The following ABTB3 variants were observed in gnomAD, a reference collection of about 807,000 sequenced individuals.
ABTB3 encodes the protein ankyrin repeat- and BTB/POZ domain-containing protein 3.
the ABTB3 span, among the ~76,000 whole-genome samples, chr12:107,385,356 C>T: frequency 6.6e-6 from 1 of 152,220 alleles, no homozygotes; most frequent in African/African-American, 2.4e-5. Flanking sequence ...CTGCTGTAAG[C>T]AGGCAATGCA....
the ABTB3 span, among the ~76,000 whole-genome samples, chr12:107,324,601 T>C: frequency 6.6e-6 from 1 of 152,214 alleles, no homozygotes; most frequent in African/African-American, 2.4e-5. Context: ...CTTATGTTAA[T>C]TGGGATGTGG....
At chr12:107,468,257 G>A in the ABTB3 span, among the ~76,000 whole-genome samples, 2 of 152,204 alleles carry the variant, frequency 1.3e-5, no homozygotes, top group African/African-American at 4.8e-5. Flanking sequence ...CAGGTGAGCT[G>A]GAGCCAGCCG....
At chr12:107,426,165 A>T in the ABTB3 span, among the ~76,000 whole-genome samples, 3 of 152,254 alleles carry the variant, frequency 2.0e-5, no homozygotes, top group East Asian at 5.8e-4. Context: ...TGCCATCAGC[A>T]CTTCACAGCG....
the ABTB3 span, among the ~76,000 whole-genome samples, chr12:107,653,761 T>C: frequency 6.6e-6 from 1 of 152,184 alleles, no homozygotes; most frequent in African/African-American, 2.4e-5. Context: ...CAGCTAGTAA[T>C]GAGATTTCTG....
chr12:107,538,131 A>C, the ABTB3 span, among the ~76,000 whole-genome samples: 1 of 151,754 alleles, frequency 6.6e-6, no homozygotes, highest in Non-Finnish European at 1.5e-5. Flanking sequence ...CTGTTCTGCC[A>C]AAACCCTAGG....
At chr12:107,613,579 G>C in the ABTB3 span, among the ~76,000 whole-genome samples, 1 of 152,128 alleles carries the variant, frequency 6.6e-6, no homozygotes, top group Non-Finnish European at 1.5e-5. Context: ...TCTGCAGAAC[G>C]GGAAAATAAT....
At chr12:107,620,232 G>C in the ABTB3 span, 1 of 1,566,852 alleles carries the variant, frequency 6.4e-7, no homozygotes, top group Non-Finnish European at 8.7e-7. Flanking sequence ...AGATCTGAAC[G>C]GTCTTTTAGC....
the ABTB3 span, among the ~76,000 whole-genome samples, chr12:107,596,146 A>G: frequency 1.3e-5 from 2 of 152,246 alleles, no homozygotes; most frequent in East Asian, 3.8e-4. Flanking sequence ...AAGATTTCTT[A>G]AAATATTAGT....
the ABTB3 span, among the ~76,000 whole-genome samples, chr12:107,329,265 C>A: frequency 6.6e-6 from 1 of 152,102 alleles, no homozygotes; most frequent in African/African-American, 2.4e-5. Context: ...TTAGGTGGAC[C>A]AGGGTTCAAA....
the ABTB3 span, among the ~76,000 whole-genome samples, chr12:107,472,601 G>T: frequency 2.6e-5 from 4 of 152,210 alleles, no homozygotes; most frequent in African/African-American, 9.7e-5. Flanking sequence ...ATGAGTAAAT[G>T]AAATACTACC....
chr12:107,447,378 G>A, the ABTB3 span, among the ~76,000 whole-genome samples: 1,796 of 152,256 alleles, frequency 0.012, 35 homozygotes, highest in African/African-American at 0.041. Context: ...CTGACCTCAG[G>A]TGATCCACCC....
At chr12:107,649,212 A>T in the ABTB3 span, 4 of 1,612,346 alleles carry the variant, frequency 2.5e-6, no homozygotes, top group Non-Finnish European at 3.4e-6. Context: ...CCAGCTGGTT[A>T]TGCAGTATCT....
the ABTB3 span, among the ~76,000 whole-genome samples, chr12:107,557,680 A>G: frequency 6.6e-6 from 1 of 152,238 alleles, no homozygotes; most frequent in Non-Finnish European, 1.5e-5. Flanking sequence ...GCCAGGCACC[A>G]TTCTAAGTAC....
the ABTB3 span, among the ~76,000 whole-genome samples, chr12:107,461,075 C>G: frequency 2.6e-5 from 4 of 152,110 alleles, no homozygotes; most frequent in African/African-American, 9.7e-5. Flanking sequence ...AAAGGAGAAG[C>G]AAAGGCACGT....
At chr12:107,465,889 G>A in the ABTB3 span, among the ~76,000 whole-genome samples, 5 of 152,044 alleles carry the variant, frequency 3.3e-5, no homozygotes, top group Non-Finnish European at 7.4e-5. Context: ...CTCTGCGTTC[G>A]TACTGCCTCT....
chr12:107,642,583 C>T, the ABTB3 span, among the ~76,000 whole-genome samples: 1 of 152,146 alleles, frequency 6.6e-6, no homozygotes, highest in Non-Finnish European at 1.5e-5. Flanking sequence ...GCTAAAACAT[C>T]CAAGACTGAG....
chr12:107,523,799 A>G, the ABTB3 span, among the ~76,000 whole-genome samples: 8 of 152,152 alleles, frequency 5.3e-5, no homozygotes, highest in Non-Finnish European at 1.2e-4. Context: ...CACATATGGG[A>G]CTTCAATGTT....
the ABTB3 span, among the ~76,000 whole-genome samples, chr12:107,573,365 A>T: frequency 6.6e-5 from 10 of 152,130 alleles, no homozygotes; most frequent in African/African-American, 2.2e-4. Flanking sequence ...AACCCATAGG[A>T]TGTGTGTACA....
the ABTB3 span, chr12:107,618,319 C>T: frequency 1.9e-6 from 3 of 1,613,810 alleles, no homozygotes; most frequent in Admixed American, 5.0e-5. Context: ...CTGAGGGAGG[C>T]CATGTATCAC....
Sources: allele counts gnomAD v4.1 joint callset (sites outside exome capture counted in the v4.1 genomes callset), GRCh38; gene constraint gnomAD v4.1.1; transcripts MANE v1.5; gene names NCBI Gene and HGNC (gene_info 2026-07-23, HGNC 2026-07-21).